Variants in OR56A3 observed in about 807,000 individuals in gnomAD.
OR56A3 encodes the protein olfactory receptor family 56 subfamily A member 3.
A neutral mutation model predicts 17.5 loss-of-function variants in OR56A3; 23 were observed. That is an observed-to-expected ratio of 1.32 (90% confidence interval 0.95 to 1.87). OR56A3 has a LOEUF of 1.87. Among genes scored for constraint, OR56A3 ranks in the 40% most tolerant of loss-of-function variants. The probability of loss-of-function intolerance (pLI) is 0.00; values close to 1 mark genes in which losing one functional copy is unlikely to be tolerated. For missense variants in OR56A3, 366 were observed against 380.1 expected, an observed-to-expected ratio of 0.96 and a Z score of 0.31; for synonymous variants, 175 against 150.6, an observed-to-expected ratio of 1.16 and a Z score of -1.19.
the OR56A3 span, among the ~76,000 whole-genome samples, chr11:5,976,296 G>C: frequency 2.7e-5 from 4 of 150,504 alleles, no homozygotes; most frequent in Admixed American, 2.7e-4. Flanking sequence ...GAAGGGAAGA[G>C]AACAGAAGGG....
the OR56A3 span, chr11:5,993,847 C>A: frequency 2.4e-6 from 1 of 423,928 alleles, no homozygotes; most frequent in South Asian, 2.2e-5. Context: ...CCTCCTGCTC[C>A]CTAAAGGGTA....
chr11:6,015,878 C>T, the OR56A3 span, among the ~76,000 whole-genome samples: 103,279 of 151,986 alleles, frequency 0.68, 35,417 homozygotes, highest in East Asian at 0.94. Flanking sequence ...GACTTTCAAG[C>T]TAATGTTGGA....
the OR56A3 span, among the ~76,000 whole-genome samples, chr11:5,995,976 G>T: frequency 6.6e-6 from 1 of 152,120 alleles, no homozygotes; most frequent in Non-Finnish European, 1.5e-5. Context: ...ATTTGAGTGA[G>T]ATCATGTGGT....
At chr11:5,973,308 A>C in the OR56A3 span, among the ~76,000 whole-genome samples, 1 of 152,344 alleles carries the variant, frequency 6.6e-6, no homozygotes, top group South Asian at 2.1e-4. Context: ...TCATAAAATA[A>C]AACCAACTTT....
the OR56A3 span, chr11:5,967,957 A>T: frequency 2.5e-6 from 4 of 1,594,326 alleles, no homozygotes; most frequent in Admixed American, 5.3e-5. Context: ...GTACAGATGC[A>T]GTTCTTGATG....
the OR56A3 span, chr11:6,002,022 T>C: frequency 6.6e-7 from 1 of 1,522,638 alleles, no homozygotes; most frequent in Non-Finnish European, 8.8e-7. Flanking sequence ...AATTAACAAC[T>C]CTAAAGGTGG....
the OR56A3 span, among the ~76,000 whole-genome samples, chr11:6,013,627 G>A: frequency 6.6e-6 from 1 of 152,162 alleles, no homozygotes; most frequent in Non-Finnish European, 1.5e-5. Context: ...AACCCACTCT[G>A]TCTTCTGCTT....
chr11:6,015,551 T>C, the OR56A3 span, among the ~76,000 whole-genome samples: 1 of 152,206 alleles, frequency 6.6e-6, no homozygotes, highest in South Asian at 2.1e-4. Context: ...AGGAACTCAA[T>C]GCCAGCCTGT....
chr11:6,003,193 T>C, the OR56A3 span: 1 of 1,240,184 alleles, frequency 8.1e-7, no homozygotes, highest in Non-Finnish European at 1.1e-6. Flanking sequence ...CCAGCCACAA[T>C]GTTTTATATT....
the OR56A3 span, among the ~76,000 whole-genome samples, chr11:6,012,314 C>T: frequency 6.6e-6 from 1 of 152,232 alleles, no homozygotes; most frequent in African/African-American, 2.4e-5. Context: ...TAGCTTCTAG[C>T]AGACAGGGTA....
the OR56A3 span, chr11:5,995,143 T>C: frequency 3.5e-6 from 2 of 573,562 alleles, 1 homozygote; most frequent in African/African-American, 3.8e-5. Flanking sequence ...GAAGGTGGAG[T>C]GAGTGGTGAA....
chr11:5,978,508 C>A, the OR56A3 span, among the ~76,000 whole-genome samples: 1 of 151,684 alleles, frequency 6.6e-6, no homozygotes, highest in East Asian at 1.9e-4. Context: ...ACTTGGTTCT[C>A]AGCTTGGATA....
chr11:5,997,671 C>G, the OR56A3 span, among the ~76,000 whole-genome samples: 8 of 152,220 alleles, frequency 5.3e-5, no homozygotes, highest in South Asian at 1.7e-3. Flanking sequence ...AAATTAAAAT[C>G]TTATATACTT....
Position 5,948,467 on chromosome 11 carries a change from C to T in OR56A3, c.*173C>T. On this transcript the variant is annotated 3_prime_UTR_variant, in exon 3 of 3. Coordinates refer to ENST00000641160, the MANE Select transcript of OR56A3 (RefSeq NM_001003443.3). ...ATTTAAGTCTATCTTCCTTTTCACC[C>T]TTTTCTCAGAAATATTCTTGGCCCT... is the stretch of plus-strand genomic sequence containing the variant. 1 of 566,204 alleles carries T rather than the reference C, an allele frequency of 1.8e-6. No individual in the cohort carries two copies. Among genetic ancestry groups the T allele is most frequent in the Non-Finnish European group, 3.1e-6 (1 of 321,282 alleles). 35.1% of individuals were successfully genotyped at this position (566,204 alleles called of 1,614,324 possible).
intron 1 of OR56A3, among the ~76,000 whole-genome samples, 195 bp downstream of exon 1, chr11:5,942,569 T>C (rs973782156): frequency 1.3e-5 from 2 of 152,236 alleles, no homozygotes; most frequent in African/African-American, 2.4e-5. Context: ...ATTTAGTGGC[T>C]TGAAAACAAA....
rs1847905163 is a variant in OR56A3 at position 5,951,101 on chromosome 11, G to T, written c.*2807G>T. On this transcript the variant is annotated 3_prime_UTR_variant, in exon 3 of 3. Coordinates refer to ENST00000641160, the MANE Select transcript of OR56A3 (RefSeq NM_001003443.3). ...TAAATCTTGGAAACCAAGGTGAGAA[G>T]ATTTATTTTTAAAAGAAGTTTTAGT... is the stretch of plus-strand genomic sequence containing the variant. The T allele has an allele frequency of 6.6e-6, 1 of 152,030 alleles. No individual in the cohort carries two copies. 9.4% of individuals were successfully genotyped at this position (152,030 alleles called of 1,614,324 possible).
chr11:6,010,194 G>C, the OR56A3 span, among the ~76,000 whole-genome samples: 1 of 152,026 alleles, frequency 6.6e-6, no homozygotes, highest in Non-Finnish European at 1.5e-5. Context: ...TGATAATCCT[G>C]TTTTCCAAAA....
intron 2 of OR56A3, among the ~76,000 whole-genome samples, chr11:5,945,464 C>A (rs1172932194): frequency 6.6e-6 from 1 of 151,582 alleles, no homozygotes; most frequent in African/African-American, 2.4e-5. Flanking sequence ...TGCCTGTAAT[C>A]CCAGCTACTC....
chr11:5,967,907 G>C, the OR56A3 span: 7 of 1,591,600 alleles, frequency 4.4e-6, no homozygotes, highest in Admixed American at 1.2e-4. Context: ...TCTGATTCAA[G>C]GTGATGTCAT....
Sources: allele counts gnomAD v4.1 joint callset (sites outside exome capture counted in the v4.1 genomes callset), GRCh38; gene constraint gnomAD v4.1.1; transcripts MANE v1.5; gene names NCBI Gene and HGNC (gene_info 2026-07-23, HGNC 2026-07-21).